Variants in MAMDC2 observed in about 807,000 individuals in gnomAD.
The protein encoded by MAMDC2 is MAM domain containing 2.
In MAMDC2, 57 loss-of-function variants were observed where a neutral mutation model predicts 89.8. The ratio of observed to expected loss-of-function variants is 0.63; its 90% CI spans 0.51 to 0.79. MAMDC2 has a LOEUF of 0.79. Ranked by LOEUF, MAMDC2 falls within the 30% of genes least tolerant of loss-of-function variation. MAMDC2 has a pLI of 0.00. For missense variants in MAMDC2, 800 were observed against 820.6 expected (o/e 0.97, Z 0.31); for synonymous variants, 313 against 293.4 (o/e 1.07, Z -0.68).
intron 11 of MAMDC2, among the ~76,000 whole-genome samples, chr9:70,181,676 G>C (rs539153958): frequency 1.3e-5 from 2 of 152,142 alleles, no homozygotes; most frequent in African/African-American, 4.8e-5. Flanking sequence ...TGGTGTATAG[G>C]GATGCTTGTG....
intron 9 of MAMDC2, among the ~76,000 whole-genome samples, chr9:70,144,552 TGTCA>T (rs1272130039): frequency 1.3e-5 from 2 of 152,350 alleles, no homozygotes; most frequent in East Asian, 3.9e-4. Flanking sequence ...CTTCAGCCTG[TGTCA>T]GTCAATCAGC....
intron 6 of MAMDC2, among the ~76,000 whole-genome samples, chr9:70,127,880 C>CCA (rs1427248824): frequency 3.9e-5 from 6 of 152,034 alleles, no homozygotes; most frequent in East Asian, 3.8e-4. Flanking sequence ...CAGATGAGTC[C>CCA]CACACACACA....
intron 9 of MAMDC2, chr9:70,153,859 C>T (rs571118392): frequency 3.9e-5 from 6 of 152,106 alleles, no homozygotes; most frequent in African/African-American, 9.6e-5. Flanking sequence ...TCTTATGTCT[C>T]GTGGAGCACA....
chr9:70,143,913 T>C, intron 9 of MAMDC2, 94 bp downstream of exon 9: 4 of 1,468,948 alleles, frequency 2.7e-6, no homozygotes, highest in Non-Finnish European at 3.7e-6. Context: ...TGATGTATTA[T>C]TTTCCTTCTG....
intron 9 of MAMDC2, among the ~76,000 whole-genome samples, chr9:70,146,871 G>GT (rs1361203129): frequency 2.0e-5 from 3 of 152,052 alleles, no homozygotes; most frequent in Non-Finnish European, 4.4e-5. Context: ...GGAGGCGGAG[G>GT]TTGCAGTGAG....
intron 9 of MAMDC2, among the ~76,000 whole-genome samples, chr9:70,163,321 T>C (rs1056303648): frequency 6.6e-5 from 10 of 150,508 alleles, no homozygotes; most frequent in African/African-American, 2.4e-4. Context: ...CTTTGCCTCC[T>C]GGGTTCAAGT....
intron 9 of MAMDC2, among the ~76,000 whole-genome samples, chr9:70,166,270 T>TACAC (rs1372969228): frequency 0.01 from 351 of 35,064 alleles, 1 homozygote; most frequent in East Asian, 0.028. Flanking sequence ...GAAATATATA[T>TACAC]ATATATACAC....
chr9:70,078,175 T>C (rs1827577269), intron 2 of MAMDC2, among the ~76,000 whole-genome samples: 1 of 152,200 alleles, frequency 6.6e-6, no homozygotes, highest in Admixed American at 6.5e-5. Context: ...GAATGCAGGA[T>C]GGATATCCAA....
chr9:70,143,543 C>G lies in MAMDC2; in HGVS notation c.1139-11C>G, dbSNP rs770126112. 1 of 1,612,804 alleles carries G rather than the reference C, an allele frequency of 6.2e-7. No individual in the cohort carries two copies. On this transcript the variant is annotated splice_polypyrimidine_tract_variant and intron_variant, in intron 8 of 13. Transcript: ENST00000377182. ...ATTTTGCATTGCTGATATGCTTTAT[C>G]TTCTTTGCAGGGTATTACCTGCTAG...
chr9:70,075,886 T>C (rs1306048957), intron 2 of MAMDC2, among the ~76,000 whole-genome samples: 1 of 152,162 alleles, frequency 6.6e-6, no homozygotes, highest in Non-Finnish European at 1.5e-5. Flanking sequence ...AATCACTAAG[T>C]ACTGATGGAG....
intron 9 of MAMDC2, among the ~76,000 whole-genome samples, chr9:70,154,632 C>T (rs1161279243): frequency 1.3e-5 from 2 of 150,712 alleles, no homozygotes; most frequent in Non-Finnish European, 2.9e-5. Context: ...TCAAGCAGTC[C>T]TCCCACCTCA....
intron 8 of MAMDC2, among the ~76,000 whole-genome samples, chr9:70,143,321 T>A (rs1218910875): frequency 6.6e-6 from 1 of 152,358 alleles, no homozygotes; most frequent in East Asian, 1.9e-4. Flanking sequence ...GCATATTCTA[T>A]AGAAAATCTG....
chr9:70,059,445 G>A (rs1396479223), intron 2 of MAMDC2, among the ~76,000 whole-genome samples: 2 of 152,184 alleles, frequency 1.3e-5, no homozygotes, highest in South Asian at 2.1e-4. Context: ...ATAATGACCT[G>A]TGTTCTATTA....
At chr9:70,092,192 G>A (rs1447263101) in intron 2 of MAMDC2, 1 of 152,170 alleles carries the variant, frequency 6.6e-6, no homozygotes, top group Non-Finnish European at 1.5e-5. Flanking sequence ...AGAATAGAAG[G>A]AGGAGAGTAA....
intron 11 of MAMDC2, among the ~76,000 whole-genome samples, chr9:70,189,317 T>A (rs1156825974): frequency 6.6e-6 from 1 of 152,112 alleles, no homozygotes; most frequent in Non-Finnish European, 1.5e-5. Context: ...CATATAGAAT[T>A]CTTAGTTTTC....
intron 11 of MAMDC2, among the ~76,000 whole-genome samples, chr9:70,204,507 T>C (rs1156971326): frequency 2.7e-5 from 4 of 148,984 alleles, no homozygotes; most frequent in African/African-American, 4.9e-5. Context: ...TGCTGTCTTT[T>C]TGTTTGTCTG....
chr9:70,075,992 T>G (rs1220424854), intron 2 of MAMDC2, among the ~76,000 whole-genome samples: 3 of 152,194 alleles, frequency 2.0e-5, no homozygotes, highest in Non-Finnish European at 4.4e-5. Flanking sequence ...CCAGGAACAG[T>G]GTGCTCCCGA....
intron 11 of MAMDC2, chr9:70,193,997 T>C (rs2032931647): frequency 6.6e-6 from 1 of 152,094 alleles, no homozygotes; most frequent in Admixed American, 6.6e-5. Context: ...CTCAGAAAAG[T>C]CACACTATAA....
chr9:70,149,207 CAAAAA>C (rs3071388), intron 9 of MAMDC2, among the ~76,000 whole-genome samples: 1 of 109,702 alleles, frequency 9.1e-6, no homozygotes, highest in Admixed American at 9.6e-5. Flanking sequence ...GACCCCATCT[CAAAAA>C]AAAAAAAAAA....
Sources: gnomAD v4.1 joint callset for allele counts (sites outside exome capture counted in the v4.1 genomes callset) on GRCh38, gnomAD v4.1.1 for gene constraint, MANE v1.5 for transcripts, NCBI Gene and HGNC (gene_info 2026-07-23, HGNC 2026-07-21) for gene names.